Variants in CERS6 observed in about 807,000 individuals in gnomAD.
The protein encoded by CERS6 is LAG1 homolog, ceramide synthase 6.
CERS6 carries 26 observed loss-of-function variants against 56.8 expected under a neutral mutation model. The observed-to-expected ratio is 0.46, with a 90% CI of 0.34 to 0.63. The LOEUF is 0.63. CERS6 is among the 30% of genes least tolerant of loss of function. The pLI is 0.01. For synonymous variants in CERS6, 164 were observed against 173.3 expected (o/e 0.95, Z 0.42); for missense variants, 415 against 467.5 (o/e 0.89, Z 1.04).
At chr2:168,476,815 C>T (rs1415401590) in intron 1 of CERS6, among the ~76,000 whole-genome samples, 1 of 151,928 alleles carries the variant, frequency 6.6e-6, no homozygotes, top group Admixed American at 6.6e-5. Flanking sequence ...TAGTGTCTGC[C>T]CATATTGAGG....
chr2:168,732,992 C>T (rs1479559156), intron 8 of CERS6, among the ~76,000 whole-genome samples: 4 of 151,898 alleles, frequency 2.6e-5, no homozygotes, highest in South Asian at 4.1e-4. Context: ...ACAGTGATGC[C>T]GAGTTGTGCT....
chr2:168,770,905 T>G lies in CERS6; in HGVS notation c.*1243T>G, dbSNP rs926892395. ...GGGCTGTTTCTGGAAAAATGAAAAA[T>G]TCTATTGGACAATGGCAATATCAAC... On this transcript the variant is annotated 3_prime_UTR_variant, in exon 10 of 10. Coordinates refer to ENST00000305747, the MANE Select transcript of CERS6 (RefSeq NM_203463.3). The G allele has an allele frequency of 2.0e-5, 3 of 152,114 alleles. No homozygotes were observed. Among genetic ancestry groups the G allele is most frequent in the Non-Finnish European group, 2.9e-5 (2 of 68,018 alleles). 9.4% of individuals were successfully genotyped at this position (152,114 alleles called of 1,614,324 possible).
intron 3 of CERS6, among the ~76,000 whole-genome samples, chr2:168,610,112 G>A (rs550047692): frequency 6.6e-6 from 1 of 151,334 alleles, no homozygotes; most frequent in African/African-American, 2.4e-5. Context: ...CAAGTAGCTG[G>A]GACTACAGGC....
At chr2:168,472,369 A>G (rs1280269566) in intron 1 of CERS6, among the ~76,000 whole-genome samples, 1 of 152,224 alleles carries the variant, frequency 6.6e-6, no homozygotes, top group Non-Finnish European at 1.5e-5. Flanking sequence ...AACCGTTTGC[A>G]GTATGAAGAG....
intron 1 of CERS6, among the ~76,000 whole-genome samples, chr2:168,507,350 A>T (rs1694696820): frequency 6.6e-6 from 1 of 152,110 alleles, no homozygotes; most frequent in Non-Finnish European, 1.5e-5. Context: ...GAACTTCTGC[A>T]TTCTGGAAAA....
At chr2:168,614,838 A>T (rs2105277311) in intron 3 of CERS6, among the ~76,000 whole-genome samples, 1 of 152,196 alleles carries the variant, frequency 6.6e-6, no homozygotes, top group South Asian at 2.1e-4. Flanking sequence ...CTAGGTCCCC[A>T]TCCACTGCCT....
chr2:168,458,557 T>C (rs542135761), intron 1 of CERS6, among the ~76,000 whole-genome samples: 1 of 152,310 alleles, frequency 6.6e-6, no homozygotes, highest in East Asian at 1.9e-4. Context: ...AGAGTTTACA[T>C]AGAGGGGTGA....
At chr2:168,688,088 A>T (rs952785010) in intron 4 of CERS6, among the ~76,000 whole-genome samples, 3 of 152,122 alleles carry the variant, frequency 2.0e-5, no homozygotes, top group African/African-American at 7.2e-5. Context: ...GTTTCTGGAG[A>T]ATGTGCTTGA....
At chr2:168,562,100 A>G (rs1049036057) in intron 3 of CERS6, among the ~76,000 whole-genome samples, 3 of 152,044 alleles carry the variant, frequency 2.0e-5, no homozygotes, top group East Asian at 1.9e-4. Flanking sequence ...CAGTCCCTCA[A>G]TTTCTTCTTT....
intron 1 of CERS6, among the ~76,000 whole-genome samples, chr2:168,517,155 A>G (rs1412659382): frequency 1.3e-5 from 2 of 151,674 alleles, no homozygotes; most frequent in Non-Finnish European, 1.5e-5. Flanking sequence ...AGGGAAGGTT[A>G]CTCTTAGGAG....
chr2:168,576,115 C>G (rs1157125741), intron 3 of CERS6, among the ~76,000 whole-genome samples: 2 of 152,028 alleles, frequency 1.3e-5, no homozygotes, highest in Non-Finnish European at 2.9e-5. Flanking sequence ...ACAGGGACAT[C>G]AGAGGAGAGC....
chr2:168,498,207 C>T (rs964758454), intron 1 of CERS6, among the ~76,000 whole-genome samples: 25 of 152,236 alleles, frequency 1.6e-4, no homozygotes, highest in African/African-American at 2.6e-4. Flanking sequence ...ACCTCTTTGT[C>T]GAATTTAGTG....
intron 3 of CERS6, among the ~76,000 whole-genome samples, chr2:168,574,322 A>G (rs1280776262): frequency 1.3e-5 from 2 of 151,876 alleles, no homozygotes; most frequent in Non-Finnish European, 2.9e-5. Flanking sequence ...CCATGACAGT[A>G]AGTTGTTCTT....
intron 1 of CERS6, among the ~76,000 whole-genome samples, chr2:168,545,937 A>G (rs1695458451): frequency 6.6e-6 from 1 of 152,194 alleles, no homozygotes. Flanking sequence ...AACTGGAAAG[A>G]CTAGAAAGAA....
chr2:168,620,581 A>G (rs1325330567), intron 3 of CERS6, among the ~76,000 whole-genome samples: 1 of 152,148 alleles, frequency 6.6e-6, no homozygotes, highest in Non-Finnish European at 1.5e-5. Flanking sequence ...TGTCAGATAA[A>G]GAAACTAAAG....
intron 3 of CERS6, among the ~76,000 whole-genome samples, chr2:168,582,409 T>TGATGTCAAGG (rs1683435531): frequency 2.6e-5 from 4 of 152,200 alleles, no homozygotes; most frequent in African/African-American, 9.7e-5. Flanking sequence ...TGAGAGCTTC[T>TGATGTCAAGG]TACTATCTTG....
At chr2:168,497,574 G>A (rs1574023486) in intron 1 of CERS6, among the ~76,000 whole-genome samples, 1 of 152,202 alleles carries the variant, frequency 6.6e-6, no homozygotes, top group East Asian at 1.9e-4. Flanking sequence ...AACAGTAAGT[G>A]CAGTGGCCCC....
intron 1 of CERS6, among the ~76,000 whole-genome samples, chr2:168,474,793 C>T (rs537652815): frequency 3.9e-5 from 6 of 152,280 alleles, no homozygotes; most frequent in Non-Finnish European, 8.8e-5. Flanking sequence ...GGTTACTTAG[C>T]TAACAGGAAT....
At chr2:168,520,627 T>TTTTTTTTTTTTTTTTTTTTTTTTA (rs1694961635) in intron 1 of CERS6, among the ~76,000 whole-genome samples, 1 of 81,626 alleles carries the variant, frequency 1.2e-5, no homozygotes, top group Non-Finnish European at 2.5e-5. Flanking sequence ...TTTTTTTTTT[T>TTTTTTTTTTTTTTTTTTTTTTTTA]GAGAAGCAGT....
Sources: allele counts gnomAD v4.1 joint callset (sites outside exome capture counted in the v4.1 genomes callset), GRCh38; gene constraint gnomAD v4.1.1; transcripts MANE v1.5; gene names NCBI Gene and HGNC (gene_info 2026-07-23, HGNC 2026-07-21).